SPON2: variants seen among roughly 807,000 people sequenced by gnomAD.
The protein encoded by SPON2 is spondin 2.
A neutral mutation model predicts 29.9 loss-of-function variants in SPON2; 32 were observed. The observed-to-expected ratio is 1.07, with a 90% confidence interval of 0.81 to 1.44. SPON2 has a LOEUF of 1.44. SPON2 is among the 40% of genes most tolerant of loss of function. The probability of loss-of-function intolerance (pLI) is 0.00; values close to 1 mark genes in which losing one functional copy is unlikely to be tolerated. For missense variants in SPON2, 541 were observed against 455.5 expected (o/e 1.19, Z -1.71); for synonymous variants, 248 against 209.1 (o/e 1.19, Z -1.61).
intron 1 of SPON2, among the ~76,000 whole-genome samples, chr4:1,184,136 C>A (rs1727749646): frequency 6.6e-6 from 1 of 152,098 alleles, no homozygotes; most frequent in Non-Finnish European, 1.5e-5. Flanking sequence ...ACCACCATGC[C>A]CAGCTAATTT....
At chr4:1,192,553 C>A (rs182493093) in intron 1 of SPON2, among the ~76,000 whole-genome samples, 48 of 152,274 alleles carry the variant, frequency 3.2e-4, no homozygotes, top group African/African-American at 1.2e-3. Flanking sequence ...CCAGCAGCAC[C>A]CCTGGGCTGG....
At chr4:1,176,443 T>C (rs1427415816), upstream of SPON2, among the ~76,000 whole-genome samples, 2 of 151,674 alleles carry the variant, frequency 1.3e-5, no homozygotes, top group African/African-American at 2.4e-5. Flanking sequence ...GTACATTCAT[T>C]CATTCACTCA....
Position 1,189,655 on chromosome 4 carries a change from A to G in SPON2, c.-239+5335T>C, listed in dbSNP as rs113820423. On this transcript the variant is annotated intron_variant, in intron 1 of 3. Transcript: ENST00000502483. ...CCCTGTCTCAAAAAAAAAAAAAAAA[A>G]AAAGAAAGAAAGAAAGAAAAGAAAA... Among the ~76,000 whole-genome samples the G allele has an allele frequency of 5.3e-3, 768 of 145,538 alleles. 4 individuals carry two copies. Among genetic ancestry groups the G allele is most frequent in the African/African-American group, 0.013 (486 of 38,200 alleles).
intron 5 of SPON2, 173 bp downstream of exon 5, chr4:1,170,229 C>T: frequency 1.5e-6 from 1 of 683,978 alleles, no homozygotes; most frequent in East Asian, 2.6e-5. Flanking sequence ...GTGCAAGAGT[C>T]ACATCTTCAG....
At position 1,202,866 on chromosome 4, in the gene SPON2, G is replaced by A. The variant is rs965893424; in HGVS notation, c.-234+5014C>T. ...GCCCCCCGCATGTGCCTTTGGGAGC[G>A]ATGGTTGGAGCTGCGCCTGCACCTG... is the stretch of plus-strand genomic sequence containing the variant. On this transcript the variant is annotated intron_variant, in intron 1 of 3. Transcript: ENST00000509233. The surrounding 1 kb of genome is among the most constrained non-coding windows in gnomAD (Gnocchi z 5.4). Among the ~76,000 whole-genome samples the A allele has an allele frequency of 6.6e-6, 1 of 152,176 alleles. No homozygotes were observed. Among genetic ancestry groups the A allele is most frequent in the Non-Finnish European group, 1.5e-5 (1 of 68,036 alleles).
At position 1,172,001 on chromosome 4, in the gene SPON2, G is replaced by T; in HGVS notation, c.71C>A (p.Ala24Asp). ...CTCTCCCCCAAGAGGCTGGCCGGCG[G>T]CGCCGAGAGTGGCCAGGAGGAGAGC... ...LCALLLATLGAAGQPLGGESI... is the reference protein window; with the variant it reads ...LCALLLATLGDAGQPLGGESI... Residue 24 changes from alanine to aspartate, a missense_variant, in exon 2 of 6, where the codon GCC becomes GAC. Transcript: ENST00000290902. The T allele has an allele frequency of 6.2e-7, 1 of 1,612,888 alleles. No individual in the cohort carries two copies. Among genetic ancestry groups the T allele is most frequent in the Non-Finnish European group, 8.5e-7 (1 of 1,179,906 alleles).
Position 1,167,448 on chromosome 4 carries a change from C to T in SPON2, c.*24G>A. On this transcript the variant is annotated 3_prime_UTR_variant, in exon 6 of 6. Coordinates refer to ENST00000290902, the MANE Select transcript of SPON2 (RefSeq NM_012445.4). ...CCGACACCCCATGGCTCCGGGGGGC[C>T]CCAGGGGCTGCGGGGCTCTGGTCTT... 1 of 1,603,456 alleles carries T rather than the reference C, an allele frequency of 6.2e-7. No homozygotes were observed. The highest frequency in any genetic ancestry group is 8.5e-7 in the Non-Finnish European group (1 of 1,174,014).
intron 4 of SPON2, 107 bp from the exon 5 acceptor site, chr4:1,170,683 C>G (rs1727401366): frequency 7.6e-7 from 1 of 1,314,880 alleles, no homozygotes; most frequent in Non-Finnish European, 1.1e-6. Flanking sequence ...GCCCTCTGCA[C>G]CACTGTTGGG....
At chr4:1,200,484 TCAGCGG>T (rs1183288457) in intron 1 of SPON2, among the ~76,000 whole-genome samples, 2 of 151,512 alleles carry the variant, frequency 1.3e-5, no homozygotes, top group Non-Finnish European at 2.9e-5. Flanking sequence ...CAGGGGAGGC[TCAGCGG>T]GGGCGGGGGC....
At chr4:1,193,894 T>G (rs1301040145) in intron 1 of SPON2, among the ~76,000 whole-genome samples, 4 of 64,562 alleles carry the variant, frequency 6.2e-5, no homozygotes, top group African/African-American at 2.8e-4. Flanking sequence ...GTGGGGGGTG[T>G]GGGAAGGACG....
chr4:1,184,703 G>A (rs950430622), intron 1 of SPON2, among the ~76,000 whole-genome samples: 1 of 152,096 alleles, frequency 6.6e-6, no homozygotes, highest in Non-Finnish European at 1.5e-5. Context: ...GGGAGGCTGA[G>A]GCAGGCAGAT....
At chr4:1,200,506 C>G (rs1728171891) in intron 1 of SPON2, 1 of 301,334 alleles carries the variant, frequency 3.3e-6, no homozygotes, top group Non-Finnish European at 6.5e-6. Context: ...GGGGCGGGCT[C>G]AGCCTCTGCG....
intron 1 of SPON2, among the ~76,000 whole-genome samples, chr4:1,184,798 G>A (rs1287429759): frequency 2.0e-5 from 3 of 151,816 alleles, no homozygotes; most frequent in Non-Finnish European, 4.4e-5. Context: ...TTAGCCGGGT[G>A]TCATAGTGTG....
At chr4:1,178,592 T>C (rs1727649402) in intron 2 of SPON2, among the ~76,000 whole-genome samples, 1 of 152,126 alleles carries the variant, frequency 6.6e-6, no homozygotes, top group East Asian at 1.9e-4. Flanking sequence ...CTTCCTGTGC[T>C]GCCTTCTTCC....
upstream of SPON2, among the ~76,000 whole-genome samples, chr4:1,175,793 T>TG: frequency 6.6e-6 from 1 of 150,614 alleles, no homozygotes; most frequent in East Asian, 2.0e-4. Flanking sequence ...GGCCTAGGCC[T>TG]GGGGGTCTCT....
intron 5 of SPON2, 162 bp from the exon 6 acceptor site, chr4:1,167,818 G>T: frequency 5.9e-6 from 4 of 673,264 alleles, no homozygotes; most frequent in Non-Finnish European, 9.3e-6. Context: ...GCGGCAAGAT[G>T]GGATGGCACC....
upstream of SPON2, chr4:1,196,743 A>G (rs1728078463): frequency 6.6e-6 from 1 of 152,302 alleles, no homozygotes; most frequent in African/African-American, 2.4e-5. Flanking sequence ...ATCCATGACC[A>G]CTAGGGAGAC....
chr4:1,193,405 G>A (rs1012651457), intron 1 of SPON2, among the ~76,000 whole-genome samples: 8 of 133,456 alleles, frequency 6.0e-5, no homozygotes, highest in African/African-American at 1.7e-4. Flanking sequence ...CCTCTCTCCA[G>A]AGCCCCCCCA....
At chr4:1,174,324 T>C (rs1055818711), upstream of SPON2, among the ~76,000 whole-genome samples, 3 of 151,704 alleles carry the variant, frequency 2.0e-5, no homozygotes, top group African/African-American at 7.3e-5. Context: ...CCATCTGTAC[T>C]AAAAATACAA....
Sources: allele counts gnomAD v4.1 joint callset (sites outside exome capture counted in the v4.1 genomes callset), GRCh38; gene constraint gnomAD v4.1.1; non-coding constraint Gnocchi (gnomAD v3.1); transcripts MANE v1.5; gene names NCBI Gene and HGNC (gene_info 2026-07-23, HGNC 2026-07-21).